The following DPYD variants were observed in gnomAD, a reference collection of about 807,000 sequenced individuals.
DPYD encodes the protein dihydropyrimidine dehydrogenase, also known as dihydropyrimidine dehydrogenase [NADP(+)].
Under a neutral mutation model 116.2 loss-of-function variants are expected in DPYD, and 109 were observed. That is an observed-to-expected ratio of 0.94 (90% CI 0.80 to 1.10). DPYD has a LOEUF of 1.10. DPYD is among the 50% of genes least tolerant of loss of function. The pLI is 0.00. For synonymous variants in DPYD, 440 were observed against 432.0 expected, an observed-to-expected ratio of 1.02 and a Z score of -0.23; for missense variants, 1,302 against 1,254.5, an observed-to-expected ratio of 1.04 and a Z score of -0.57.
chr1:97,534,662 T>C (rs1354616901), intron 12 of DPYD, among the ~76,000 whole-genome samples: 1 of 152,142 alleles, frequency 6.6e-6, no homozygotes, highest in Non-Finnish European at 1.5e-5. Context: ...TGTATTCTTC[T>C]GAGTAAATTA....
chr1:97,720,366 A>T (rs1469733260), intron 5 of DPYD: 1 of 985,454 alleles, frequency 1.0e-6, no homozygotes, highest in Non-Finnish European at 1.2e-6. Flanking sequence ...GTGAGGAGGA[A>T]TTCAAGTGAA....
chr1:97,700,500 G>A (rs1661537344), intron 5 of DPYD, among the ~76,000 whole-genome samples: 1 of 151,970 alleles, frequency 6.6e-6, no homozygotes, highest in Non-Finnish European at 1.5e-5. Flanking sequence ...GGGCAAATGA[G>A]GGGTAAATAG....
At chr1:97,236,562 G>A (rs540225974) in intron 18 of DPYD, among the ~76,000 whole-genome samples, 65 of 152,238 alleles carry the variant, frequency 4.3e-4, no homozygotes, top group South Asian at 2.7e-3. Flanking sequence ...GAGCGAACGG[G>A]AGGGATAAAT....
intron 3 of DPYD, among the ~76,000 whole-genome samples, chr1:97,787,608 G>A (rs1667110635): frequency 6.6e-6 from 1 of 152,020 alleles, no homozygotes; most frequent in Non-Finnish European, 1.5e-5. Flanking sequence ...TGATCCTTCT[G>A]CAATTTTTAT....
intron 18 of DPYD, among the ~76,000 whole-genome samples, chr1:97,238,052 A>T (rs1025278389): frequency 1.3e-5 from 2 of 152,154 alleles, no homozygotes; most frequent in Non-Finnish European, 2.9e-5. Context: ...TTAAAGGGCA[A>T]CATTATTACA....
chr1:97,522,127 G>A (rs1378835307), intron 12 of DPYD, among the ~76,000 whole-genome samples: 1 of 152,126 alleles, frequency 6.6e-6, no homozygotes, highest in African/African-American at 2.4e-5. Context: ...GCAACCTACA[G>A]AACAGGAGAA....
At chr1:97,706,543 A>C (rs912322059) in intron 5 of DPYD, among the ~76,000 whole-genome samples, 6 of 152,048 alleles carry the variant, frequency 3.9e-5, no homozygotes, top group African/African-American at 1.4e-4. Flanking sequence ...CCTTCTCCCC[A>C]GCAATCACTG....
At chr1:97,274,116 TA>T (rs1467718056) in intron 18 of DPYD, among the ~76,000 whole-genome samples, 1 of 152,078 alleles carries the variant, frequency 6.6e-6, no homozygotes, top group Admixed American at 6.6e-5. Context: ...TTTTAAAGAA[TA>T]AAAACGAGAA....
chr1:97,428,076 C>A (rs567464814), intron 14 of DPYD, among the ~76,000 whole-genome samples: 2 of 152,224 alleles, frequency 1.3e-5, no homozygotes, highest in Non-Finnish European at 2.9e-5. Flanking sequence ...AAAAGTTATA[C>A]ATTACGAAAG....
chr1:97,878,103 T>C (rs1373083007), intron 2 of DPYD, among the ~76,000 whole-genome samples: 2 of 152,026 alleles, frequency 1.3e-5, no homozygotes, highest in African/African-American at 2.4e-5. Flanking sequence ...CCTCTCATAG[T>C]GCTTATAGCT....
intron 11 of DPYD, among the ~76,000 whole-genome samples, chr1:97,570,644 G>C (rs533745227): frequency 1.3e-5 from 2 of 151,804 alleles, no homozygotes; most frequent in South Asian, 4.2e-4. Flanking sequence ...GCTATGGGGA[G>C]TACTAATGGT....
intron 13 of DPYD, among the ~76,000 whole-genome samples, chr1:97,456,382 T>C (rs190609577): frequency 1.3e-5 from 2 of 152,182 alleles, no homozygotes; most frequent in Non-Finnish European, 2.9e-5. Flanking sequence ...TCATTCTGTG[T>C]CTCCTCTCTG....
intron 6 of DPYD, among the ~76,000 whole-genome samples, chr1:97,696,488 GAGAA>G (rs1184060191): frequency 6.6e-6 from 1 of 152,112 alleles, no homozygotes; most frequent in Non-Finnish European, 1.5e-5. Flanking sequence ...ACTGCATGGT[GAGAA>G]AGGAGATAAA....
Position 97,207,939 on chromosome 1 carries a change from T to A in DPYD, c.2443-14691A>T, listed in dbSNP as rs562126385. On this transcript the variant is annotated intron_variant, in intron 19 of 22. Coordinates refer to ENST00000370192, the MANE Select transcript of DPYD (RefSeq NM_000110.4). ...CTTCATCAAATTACTTTGAAATAGTTCAAAGTAAATGATAAAATGTATTAT... is the reference window on the plus strand; with the variant it reads ...CTTCATCAAATTACTTTGAAATAGTACAAAGTAAATGATAAAATGTATTAT... Among the ~76,000 whole-genome samples the A allele has an allele frequency of 5.3e-5, 8 of 152,302 alleles. No homozygotes were observed. In the East Asian group the frequency reaches 1.5e-3, roughly 29 times the overall value.
intron 13 of DPYD, among the ~76,000 whole-genome samples, chr1:97,507,303 T>C (rs1439420678): frequency 6.6e-6 from 1 of 151,966 alleles, no homozygotes; most frequent in African/African-American, 2.4e-5. Flanking sequence ...AAAGCTTACA[T>C]TGAATTTATT....
intron 8 of DPYD, among the ~76,000 whole-genome samples, chr1:97,608,024 G>A (rs1655707876): frequency 6.6e-6 from 1 of 151,870 alleles, no homozygotes; most frequent in Non-Finnish European, 1.5e-5. Context: ...CTATTTAAAT[G>A]AGCCAACTCA....
chr1:97,781,859 A>C (rs1241332860), intron 3 of DPYD, among the ~76,000 whole-genome samples: 1 of 152,214 alleles, frequency 6.6e-6, no homozygotes, highest in Non-Finnish European at 1.5e-5. Context: ...TTATAAATTT[A>C]GATACAGCTT....
At chr1:97,467,562 G>A (rs1041675693) in intron 13 of DPYD, among the ~76,000 whole-genome samples, 7 of 152,172 alleles carry the variant, frequency 4.6e-5, no homozygotes, top group Non-Finnish European at 1.0e-4. Flanking sequence ...ATTTAAATGT[G>A]AGTTGCCTGA....
chr1:97,580,948 T>C (rs1653617742), intron 10 of DPYD, among the ~76,000 whole-genome samples: 1 of 152,074 alleles, frequency 6.6e-6, no homozygotes. Flanking sequence ...ATTTGGGGGA[T>C]AAAAAGTGTC....
Sources: allele counts gnomAD v4.1 joint callset (sites outside exome capture counted in the v4.1 genomes callset), GRCh38; gene constraint gnomAD v4.1.1; transcripts MANE v1.5; gene names NCBI Gene and HGNC (gene_info 2026-07-23, HGNC 2026-07-21).